The following P2RX3 variants were observed in gnomAD, a reference collection of about 807,000 sequenced individuals.
The protein encoded by P2RX3 is P2X purinoceptor 3.
A neutral mutation model predicts 51.5 loss-of-function variants in P2RX3; 41 were observed. That is an observed-to-expected ratio of 0.80 (90% CI 0.62 to 1.03). The LOEUF (loss-of-function observed/expected upper bound fraction) is 1.03, where lower values mean the gene tolerates loss of function less well. Ranked by LOEUF, P2RX3 falls within the 50% of genes least tolerant of loss-of-function variation. The pLI, the probability that P2RX3 is intolerant of heterozygous loss-of-function variation, is 0.00. For synonymous variants in P2RX3, 185 were observed against 191.6 expected (o/e 0.97, Z 0.29); for missense variants, 459 against 522.1 (o/e 0.88, Z 1.18).
At chr11:57,366,109 G>A (rs1222418993) in intron 8 of P2RX3, among the ~76,000 whole-genome samples, 1 of 152,148 alleles carries the variant, frequency 6.6e-6, no homozygotes, top group Non-Finnish European at 1.5e-5. Context: ...ACTTTCCAAA[G>A]TTACTGGCAT....
At chr11:57,361,871 T>C (rs1856724927) in intron 8 of P2RX3, among the ~76,000 whole-genome samples, 1 of 152,226 alleles carries the variant, frequency 6.6e-6, no homozygotes. Flanking sequence ...AAGCCTTGCC[T>C]AACCCCCAGC....
chr11:57,342,339 T>C (rs1340523971), intron 1 of P2RX3, among the ~76,000 whole-genome samples: 2 of 151,830 alleles, frequency 1.3e-5, no homozygotes, highest in East Asian at 3.9e-4. Flanking sequence ...TTTGTATTTT[T>C]AGTAGAGATG....
chr11:57,353,777 G>C (rs2134427930), intron 8 of P2RX3, among the ~76,000 whole-genome samples: 1 of 151,870 alleles, frequency 6.6e-6, no homozygotes, highest in East Asian at 1.9e-4. Context: ...ACATCCAGAG[G>C]CAGCTAGAGA....
intron 8 of P2RX3, among the ~76,000 whole-genome samples, chr11:57,357,354 T>C (rs1481407819): frequency 6.6e-6 from 1 of 152,020 alleles, no homozygotes; most frequent in Non-Finnish European, 1.5e-5. Context: ...AAGAGAACAT[T>C]TTAGAACTGG....
At chr11:57,347,715 T>C (rs1480074413) in intron 4 of P2RX3, among the ~76,000 whole-genome samples, 1 of 152,000 alleles carries the variant, frequency 6.6e-6, no homozygotes, top group Non-Finnish European at 1.5e-5. Flanking sequence ...AAGTGGCCTG[T>C]GCTGTCCAGG....
intron 8 of P2RX3, among the ~76,000 whole-genome samples, chr11:57,358,357 G>A (rs752612066): frequency 6.6e-6 from 1 of 152,162 alleles, no homozygotes; most frequent in Non-Finnish European, 1.5e-5. Context: ...GCTTTGTGGC[G>A]AATACAGAGA....
chr11:57,340,923 A>T (rs1046865483), intron 1 of P2RX3, among the ~76,000 whole-genome samples: 2 of 152,214 alleles, frequency 1.3e-5, no homozygotes, highest in African/African-American at 2.4e-5. Context: ...GGGAAAGAAA[A>T]GAAGGTCATT....
rs1462108381 is a variant in P2RX3, at chr11:57,371,120, T to C, written c.*1123T>C. On this transcript the variant is annotated 3_prime_UTR_variant, in exon 12 of 12. Transcript: ENST00000263314. Reference sequence around the variant, plus strand: ...ATGACTGGTTCAGTGCCACAGTTCATGGCCAAAAAGGAACCCACATGTCCT... The same window carrying C: ...ATGACTGGTTCAGTGCCACAGTTCACGGCCAAAAAGGAACCCACATGTCCT... Among the ~76,000 whole-genome samples the C allele has an allele frequency of 6.6e-6, 1 of 152,222 alleles. No individual in the cohort carries two copies. The highest frequency in any genetic ancestry group is 1.5e-5 in the Non-Finnish European group (1 of 68,032).
chr11:57,347,277 C>T (rs983455259), intron 3 of P2RX3, 90 bp downstream of exon 3: 2 of 1,499,064 alleles, frequency 1.3e-6, no homozygotes, highest in Non-Finnish European at 1.8e-6. Context: ...TGAGCAGAGG[C>T]CCCAAGTCTG....
intron 8 of P2RX3, among the ~76,000 whole-genome samples, chr11:57,358,945 T>A (rs551160302): frequency 3.7e-4 from 56 of 152,194 alleles, no homozygotes; most frequent in African/African-American, 1.3e-3. Context: ...TCAGAATCAT[T>A]CGATTGAGTC....
chr11:57,346,592 T>C lies in P2RX3; in HGVS notation c.168T>C (p.Ile56=), dbSNP rs1406540945. Residue 56 remains isoleucine (I), a synonymous_variant, in exon 2 of 12, where the codon ATT becomes ATC. Transcript: ENST00000263314. ...EKAYQVRDTA[I]ESSVVTKVKG... ...CTTACCAGGTACGGGACACAGCCAT[T>C]GAGTCCTCGGTGGTAACCAAGGTGA... 6.2e-7 allele frequency: 1 copy of C among 1,614,202 alleles called. No individual in the cohort carries two copies. Among genetic ancestry groups the C allele is most frequent in the Admixed American group, 1.7e-5 (1 of 60,024 alleles).
At chr11:57,339,760 G>A (rs1275039840) in intron 1 of P2RX3, among the ~76,000 whole-genome samples, 1 of 152,208 alleles carries the variant, frequency 6.6e-6, no homozygotes, top group Non-Finnish European at 1.5e-5. Flanking sequence ...GTTCAAGCAG[G>A]TCAAAGGAGA....
intron 1 of P2RX3, among the ~76,000 whole-genome samples, chr11:57,340,163 T>C (rs1349186008): frequency 2.6e-5 from 4 of 152,222 alleles, no homozygotes; most frequent in Admixed American, 1.3e-4. Context: ...AGCCACAAGA[T>C]GGTATGTTGG....
chr11:57,362,210 T>G (rs1856731152), intron 8 of P2RX3, among the ~76,000 whole-genome samples: 1 of 152,120 alleles, frequency 6.6e-6, no homozygotes, highest in African/African-American at 2.4e-5. Context: ...TGGGATGTGT[T>G]CAGGAAATGC....
rs1565066235 is a variant in P2RX3, at chr11:57,350,887, C to A, written c.831C>A (p.Gly277=). The part of the protein sequence containing the change: ...SVSEKSSVSP[G]YNFRFAKYYK... ...CTGAGAAAAGCAGCGTGTCCCCAGG[C>A]TACAACTTCAGGTAATTCCCTGTCT... is the stretch of plus-strand genomic sequence containing the variant. Residue 277 remains glycine (G), a synonymous_variant, in exon 8 of 12, where the codon GGC becomes GGA. Coordinates refer to ENST00000263314, the MANE Select transcript of P2RX3 (RefSeq NM_002559.5). The A allele has an allele frequency of 2.5e-6, 4 of 1,614,158 alleles. No individual in the cohort carries two copies. Among genetic ancestry groups the A allele is most frequent in the Non-Finnish European group, 3.4e-6 (4 of 1,180,038 alleles).
At chr11:57,358,506 A>C (rs1856664979) in intron 8 of P2RX3, among the ~76,000 whole-genome samples, 1 of 152,234 alleles carries the variant, frequency 6.6e-6, no homozygotes, top group Non-Finnish European at 1.5e-5. Flanking sequence ...AGGATGAAGC[A>C]GAAGTAAAGC....
chr11:57,341,603 C>T (rs1483686661), intron 1 of P2RX3, among the ~76,000 whole-genome samples: 5 of 152,140 alleles, frequency 3.3e-5, no homozygotes, highest in Admixed American at 6.5e-5. Context: ...GTGGGACTTC[C>T]CGAGAGCCCA....
chr11:57,336,511 G>T (rs1304651180), upstream of P2RX3, among the ~76,000 whole-genome samples: 1 of 152,156 alleles, frequency 6.6e-6, no homozygotes, highest in Admixed American at 6.5e-5. Context: ...ATCCCAGAGT[G>T]CATTTTGCAA....
At position 57,371,371 on chromosome 11, in the gene P2RX3, C is replaced by A. The variant is rs575379343; in HGVS notation, c.*1374C>A. On this transcript the variant is annotated 3_prime_UTR_variant, in exon 12 of 12. Transcript: ENST00000263314. ...GAAGGGGCTCATGCAAGTGAATGAG[C>A]CTAAAGAATGTTTCAATAGCTTCAT... Among the ~76,000 whole-genome samples, 17 of 152,168 alleles carry A rather than the reference C, an allele frequency of 1.1e-4. No homozygotes were observed. Among genetic ancestry groups the A allele is most frequent in the Non-Finnish European group, 2.4e-4 (16 of 68,022 alleles).
Sources: gnomAD v4.1 joint callset for allele counts (sites outside exome capture counted in the v4.1 genomes callset) on GRCh38, gnomAD v4.1.1 for gene constraint, MANE v1.5 for transcripts, NCBI Gene and HGNC (gene_info 2026-07-23, HGNC 2026-07-21) for gene names.